SLC66A1: variants seen among roughly 807,000 people sequenced by gnomAD.
The protein encoded by SLC66A1 is solute carrier family 66 member 1, also known as lysosomal amino acid transporter 1 homolog.
In SLC66A1, 23 loss-of-function variants were observed where a neutral mutation model predicts 33.0. The ratio of observed to expected loss-of-function variants is 0.70; its 90% CI spans 0.50 to 0.99. The LOEUF is 0.99. SLC66A1 is among the 50% of genes least tolerant of loss of function. The pLI is 0.00. For synonymous variants in SLC66A1, 164 were observed against 175.5 expected, an observed-to-expected ratio of 0.93 and a Z score of 0.52; for missense variants, 335 against 383.6, an observed-to-expected ratio of 0.87 and a Z score of 1.06.
chr1:19,326,210 C>T, intron 4 of SLC66A1, 35 bp from the exon 5 acceptor site: 1 of 1,574,830 alleles, frequency 6.3e-7, no homozygotes, highest in African/African-American at 1.3e-5. Context: ...GCCACTCAGC[C>T]ATCTAACCTC....
At chr1:19,326,448 T>C in intron 5 of SLC66A1, 61 bp downstream of exon 5, 1 of 1,611,044 alleles carries the variant, frequency 6.2e-7, no homozygotes, top group Non-Finnish European at 8.5e-7. Flanking sequence ...GGCTCTCCCC[T>C]GCACAGCCTC....
rs763629427 is a variant in SLC66A1, at chr1:19,324,733, T to C, written c.265T>C (p.Ser89Pro). The C allele has an allele frequency of 6.2e-7, 1 of 1,614,140 alleles. No individual in the cohort carries two copies. Among genetic ancestry groups the C allele is most frequent in the Non-Finnish European group, 8.5e-7 (1 of 1,180,006 alleles). Residue 89 changes from serine to proline, a missense_variant, in exon 3 of 8, where the codon TCC becomes CCC. Transcript: ENST00000375153. ...CGGAGACTCCTGCAACCTCATCGGC[T>C]CCTTCCTTGCTGACCAGCTGCCCCT... ...IGGDSCNLIGSFLADQLPLQT... is the reference protein window; with the variant it reads ...IGGDSCNLIGPFLADQLPLQT...
At chr1:19,325,100 C>T (rs2093856808) in intron 3 of SLC66A1, among the ~76,000 whole-genome samples, 1 of 152,216 alleles carries the variant, frequency 6.6e-6, no homozygotes, top group Non-Finnish European at 1.5e-5. Flanking sequence ...GCCCAGATGC[C>T]ATCCTGCTCC....
chr1:19,314,231 G>T (rs998968214), intron 1 of SLC66A1, among the ~76,000 whole-genome samples: 1 of 152,178 alleles, frequency 6.6e-6, no homozygotes, highest in Non-Finnish European at 1.5e-5. Flanking sequence ...GCTCCACATT[G>T]CACATGGGTC....
Position 19,326,359 on chromosome 1 carries a change from C to T in SLC66A1, c.497C>T (p.Ala166Val), listed in dbSNP as rs771330075. 33 of 1,605,910 alleles carry T rather than the reference C, an allele frequency of 2.1e-5. No individual in the cohort carries two copies. The highest frequency in any genetic ancestry group is 1.5e-4 in the Admixed American group (9 of 59,822). Reference protein sequence around the residue: ...AAPREAFRGRALLSVESGSKP... With the variant: ...AAPREAFRGRVLLSVESGSKP... ...CCTAGGGAAGCCTTCCGGGGGCGGG[C>T]GCTCCTGTCCGTGGAGTCGGGCAGC... The change falls in exon 5 of 8, where the codon GCG (alanine) becomes GTG (valine). Residue 166 changes from alanine to valine, a missense_variant. Ala to Val is a moderately conservative substitution (Grantham distance 64). Transcript: ENST00000375153.
At chr1:19,324,554 T>G (rs2093853534) in intron 2 of SLC66A1, 79 bp from the exon 3 acceptor site, 2 of 1,561,256 alleles carry the variant, frequency 1.3e-6, no homozygotes, top group East Asian at 4.5e-5. Flanking sequence ...GGTCGTCTCC[T>G]CTGGGCGGTG....
downstream of SLC66A1, among the ~76,000 whole-genome samples, chr1:19,332,941 G>C (rs1379171356): frequency 1.3e-5 from 2 of 152,210 alleles, no homozygotes. Context: ...ACCCCCAGAG[G>C]TCCCCGCCTT....
chr1:19,327,759 C>G, intron 7 of SLC66A1: 1 of 450,016 alleles, frequency 2.2e-6, no homozygotes, highest in Non-Finnish European at 4.6e-6. Flanking sequence ...AGCGTCTAGC[C>G]AGGGACCGTC....
intron 5 of SLC66A1, 68 bp from the exon 6 acceptor site, chr1:19,326,463 G>A: frequency 3.7e-6 from 6 of 1,612,884 alleles, no homozygotes; most frequent in Non-Finnish European, 5.1e-6. Context: ...AGCCTCATGG[G>A]TGCTAAATGG....
At chr1:19,333,899 C>CAAACAAAACAAAACA (rs71008144), downstream of SLC66A1, among the ~76,000 whole-genome samples, 6,597 of 98,286 alleles carry the variant, frequency 0.067, 167 homozygotes, top group Middle Eastern at 0.1. The surrounding 1 kb of genome is among the most constrained non-coding windows in gnomAD (Gnocchi z 4.2). Flanking sequence ...GACCTTGTCT[C>CAAACAAAACAAAACA]AAACAAAACA....
At chr1:19,321,235 G>A (rs2093835884) in intron 2 of SLC66A1, among the ~76,000 whole-genome samples, 1 of 128,958 alleles carries the variant, frequency 7.8e-6, no homozygotes, top group African/African-American at 3.2e-5. Context: ...GTGCAGTAGT[G>A]TGATCACATA....
At chr1:19,324,914 C>A in intron 3 of SLC66A1, 152 bp downstream of exon 3, 1 of 1,130,922 alleles carries the variant, frequency 8.8e-7, no homozygotes, top group Non-Finnish European at 1.2e-6. Flanking sequence ...CTTCTGTCTG[C>A]CGAACTGTGA....
chr1:19,325,673 T>C, intron 4 of SLC66A1, 91 bp downstream of exon 4: 1 of 1,121,592 alleles, frequency 8.9e-7, no homozygotes, highest in Non-Finnish European at 1.3e-6. Context: ...AGGAAGCGGG[T>C]TTCCCATGGC....
intron 3 of SLC66A1, 106 bp downstream of exon 3, chr1:19,324,868 C>T: frequency 2.1e-6 from 3 of 1,424,632 alleles, no homozygotes; most frequent in Non-Finnish European, 2.8e-6. Flanking sequence ...CTCCAGAACC[C>T]TGACCCGTCA....
intron 1 of SLC66A1, among the ~76,000 whole-genome samples, chr1:19,316,353 TTGTGTGTG>T (rs36226389): frequency 0.052 from 7,555 of 144,874 alleles, 209 homozygotes; most frequent in Admixed American, 0.078. Context: ...TCTTTATGGT[TTGTGTGTG>T]TGTGTGTGTG....
intron 7 of SLC66A1, 24 bp downstream of exon 7, chr1:19,327,436 AG>A (rs2093874160): frequency 6.4e-7 from 1 of 1,571,554 alleles, no homozygotes; most frequent in Non-Finnish European, 8.7e-7. Context: ...CGTGTGGGGC[AG>A]GTGGCGGGGT....
At position 19,328,784 on chromosome 1, in the gene SLC66A1, C is replaced by A. The variant is rs192075414; in HGVS notation, c.*141C>A. The A allele has an allele frequency of 4.6e-6, 4 of 877,072 alleles. No individual in the cohort carries two copies. The highest frequency in any genetic ancestry group is 3.3e-5 in the African/African-American group (2 of 59,898). 54.3% of individuals were successfully genotyped at this position (877,072 alleles called of 1,614,324 possible). On this transcript the variant is annotated 3_prime_UTR_variant, in exon 8 of 8. Transcript: ENST00000375153. This position sits in a 1 kb window ranked among gnomAD's most constrained non-coding sequence, Gnocchi z 4.7. ...TCCTCCGTGGACCGAACCGTCCCCC[C>A]AGGAACACACCTTCAGGTAGACCCC... is the stretch of plus-strand genomic sequence containing the variant.
At chr1:19,325,197 G>T (rs1174092561) in intron 3 of SLC66A1, among the ~76,000 whole-genome samples, 1 of 152,184 alleles carries the variant, frequency 6.6e-6, no homozygotes, top group African/African-American at 2.4e-5. Flanking sequence ...CTGGTGTCAG[G>T]CCAAACCAGA....
At chr1:19,322,723 C>A (rs2093844079) in intron 2 of SLC66A1, among the ~76,000 whole-genome samples, 1 of 152,152 alleles carries the variant, frequency 6.6e-6, no homozygotes, top group Non-Finnish European at 1.5e-5. Flanking sequence ...AGCGGGACAT[C>A]TGAGACCAGA....
Sources: allele counts gnomAD v4.1 joint callset (sites outside exome capture counted in the v4.1 genomes callset), GRCh38; gene constraint gnomAD v4.1.1; non-coding constraint Gnocchi (gnomAD v3.1); transcripts MANE v1.5; gene names NCBI Gene and HGNC (gene_info 2026-07-23, HGNC 2026-07-21).